Variants in MUC12 observed in about 807,000 individuals in gnomAD.
MUC12 encodes the protein mucin 12, cell surface associated.
MUC12 carries 172 observed loss-of-function variants against 230.8 expected under a neutral mutation model. The ratio of observed to expected loss-of-function variants is 0.75; its 90% CI spans 0.66 to 0.85. The LOEUF is 0.85. MUC12 is among the 40% of genes least tolerant of loss of function. MUC12 has a pLI of 0.00. For missense variants in MUC12, 3,506 were observed against 5,920.6 expected, an observed-to-expected ratio of 0.59 and a Z score of 13.38; for synonymous variants, 1,259 against 2,401.9, an observed-to-expected ratio of 0.52 and a Z score of 13.91.
intron 10 of MUC12, 168 bp from the exon 11 acceptor site, chr7:101,017,407 G>A: frequency 1.7e-6 from 1 of 590,808 alleles, no homozygotes; most frequent in Non-Finnish European, 3.0e-6. Flanking sequence ...GGCAGGCTCT[G>A]CACTTACCCG....
chr7:101,012,780 TG>T, intron 6 of MUC12, 38 bp from the exon 7 acceptor site: 1 of 1,524,828 alleles, frequency 6.6e-7, no homozygotes, highest in Non-Finnish European at 8.8e-7. Context: ...CAGAGGGAAG[TG>T]TTTCTATTCC....
rs1411971723 is a variant in MUC12 at position 100,993,328 on chromosome 7, C to G, written c.2765C>G (p.Ser922Cys). The change falls in exon 2 of 12, where the codon TCC (serine) becomes TGC (cysteine). Residue 922 changes from serine (S) to cysteine (C), a missense_variant. By Grantham distance (112) the Ser-to-Cys change is moderately radical. Coordinates refer to ENST00000536621, the MANE Select transcript of MUC12 (RefSeq NM_001164462.2). ...TCAGGTTCAACTGACACAGCACTGT[C>G]CCCTGGCAGTACCACAGCCTTATCC... ...SSSGSTDTALSPGSTTALSFG... is the reference protein window; with the variant it reads ...SSSGSTDTALCPGSTTALSFG... 9.2e-7 allele frequency: 1 copy of G among 1,090,090 alleles called. No homozygotes were observed. The highest frequency in any genetic ancestry group is 2.4e-5 in the African/African-American group (1 of 42,228). The allele number at this position is 1,090,090 out of a possible 1,614,324, so 67.5% of individuals were successfully genotyped here.
In MUC12 at chr7:101,018,815, G is replaced by A; in HGVS notation, c.*179G>A. On this transcript the variant is annotated 3_prime_UTR_variant, in exon 12 of 12. Transcript: ENST00000536621. ...CTGTGCTCCTGCTGGGGAAGGCTGG[G>A]GGCTGTAAGCCTCTCCATCCGGGAG... 1 of 589,912 alleles carries A rather than the reference G, an allele frequency of 1.7e-6. No homozygotes were observed. The highest frequency in any genetic ancestry group is 1.9e-5 in the African/African-American group (1 of 51,456). 36.5% of individuals were successfully genotyped at this position (589,912 alleles called of 1,614,324 possible). A position where few individuals can be genotyped will look rare whatever the true frequency, so the allele number is the denominator to read the frequency against.
Position 100,995,726 on chromosome 7 carries a change from C to A in MUC12, c.5163C>A (p.Ser1721Arg). The change falls in exon 2 of 12, where the codon AGC (serine) becomes AGA (arginine). Residue 1721 changes from serine to arginine, a missense_variant. Physicochemically the swap from Ser to Arg is moderately radical, Grantham distance 110. Coordinates refer to ENST00000536621, the MANE Select transcript of MUC12 (RefSeq NM_001164462.2). ...CTACAACCTCCCACGGCAGCCCGAG[C>A]TCAACTCCAACAACCCACTTTTCTG... ...ELSTTSHGSP[S>R]STPTTHFSAS... 1 of 1,535,876 alleles carries A rather than the reference C, an allele frequency of 6.5e-7. No homozygotes were observed. The highest frequency in any genetic ancestry group is 8.7e-7 in the Non-Finnish European group (1 of 1,146,494).
rs979425598 is a variant in MUC12 at position 101,005,571 on chromosome 7, A to G, written c.14956+52A>G. The G allele has an allele frequency of 1.8e-5, 26 of 1,482,684 alleles. No homozygotes were observed. In the African/African-American group the frequency reaches 2.7e-4, roughly 15 times the overall value. 91.8% of individuals were successfully genotyped at this position (1,482,684 alleles called of 1,614,324 possible). A position where few individuals can be genotyped will look rare whatever the true frequency, so the allele number is the denominator to read the frequency against. On this transcript the variant is annotated intron_variant, in intron 2 of 11. Transcript: ENST00000536621. ...TTTAGCTTCTTCTCCAGGCCTGTCCATGAGTCTTCTTCATCCATTACAACC... is the reference window on the plus strand; with the variant it reads ...TTTAGCTTCTTCTCCAGGCCTGTCCGTGAGTCTTCTTCATCCATTACAACC...
intron 1 of MUC12, among the ~76,000 whole-genome samples, chr7:100,977,286 G>A (rs377647339): frequency 6.6e-6 from 1 of 151,734 alleles, no homozygotes; most frequent in East Asian, 1.9e-4. Context: ...AGTTGTGGAC[G>A]CCAGAAGCTT....
In MUC12 at chr7:100,991,381, G is replaced by A. The variant is rs1793295729; in HGVS notation, c.818G>A (p.Gly273Glu). The change falls in exon 2 of 12, where the codon GGA becomes GAA. Residue 273 changes from glycine to glutamate, a missense_variant. Gly to Glu is a moderately conservative substitution (Grantham distance 98). Transcript: ENST00000536621. The stretch of plus-strand genomic sequence containing the variant: ...CCTTCCAGCTCTACAACCCATGAGG[G>A]AGAACCTACCACCTTCCAGAGCTGG... ...LSPSSSTTHE[G>E]EPTTFQSWPS... 1 of 1,537,730 alleles carries A rather than the reference G, an allele frequency of 6.5e-7. No homozygotes were observed. The highest frequency in any genetic ancestry group is 8.7e-7 in the Non-Finnish European group (1 of 1,147,032).
chr7:100,988,353 T>C (rs1793227551), intron 1 of MUC12, among the ~76,000 whole-genome samples: 1 of 148,994 alleles, frequency 6.7e-6, no homozygotes, highest in Admixed American at 6.7e-5. Flanking sequence ...CCTCTTTGCC[T>C]CTCTTGCTCC....
At position 100,991,814 on chromosome 7, in the gene MUC12, C is replaced by A. The variant is rs768489893; in HGVS notation, c.1251C>A (p.Gly417=). ...LAHTSYHSSL[G]STETTHFRDS... The stretch of plus-strand genomic sequence containing the variant: ...ATACAAGCTACCACAGCAGCCTGGG[C>A]TCAACTGAAACAACACACTTCCGTG... Residue 417 remains glycine (G), a synonymous_variant, in exon 2 of 12, where the codon GGC becomes GGA. Coordinates refer to ENST00000536621, the MANE Select transcript of MUC12 (RefSeq NM_001164462.2). 4 of 1,537,866 alleles carry A rather than the reference C, an allele frequency of 2.6e-6. No individual in the cohort carries two copies. The highest frequency in any genetic ancestry group is 1.4e-5 in the African/African-American group (1 of 73,060).
Position 100,969,610 on chromosome 7 carries a change from C to CA in MUC12, c.-13_-12insA. 1.3e-6 allele frequency: 2 copies of CA among 1,537,438 alleles called. No homozygotes were observed. Among genetic ancestry groups the CA allele is most frequent in the Non-Finnish European group, 1.7e-6 (2 of 1,146,950 alleles). On this transcript the variant is annotated 5_prime_UTR_variant, in exon 1 of 12. Transcript: ENST00000536621. Reference sequence around the variant, plus strand: ...GAGAGAAGATGGGCAGCCAGGGGCCCGTTCCCCGGGAGATGCTGGTGATCT... The same window carrying CA: ...GAGAGAAGATGGGCAGCCAGGGGCCCAGTTCCCCGGGAGATGCTGGTGATCT...
rs1793314470 is a variant in MUC12 at position 100,991,746 on chromosome 7, C to A, written c.1183C>A (p.His395Asn). ...ESATFHGSTT[H>N]TKSSTPSTTA... is the part of the protein sequence containing the mutation. ...AGCAACTTTCCACGGCAGCACAACA[C>A]ACACAAAATCTTCAACTCCTAGCAC... The change falls in exon 2 of 12, where the codon CAC becomes AAC. Residue 395 changes from histidine to asparagine, a missense_variant. His to Asn is a moderately conservative substitution (Grantham distance 68). Coordinates refer to ENST00000536621, the MANE Select transcript of MUC12 (RefSeq NM_001164462.2). The A allele has an allele frequency of 6.5e-7, 1 of 1,538,002 alleles. No individual in the cohort carries two copies.
chr7:101,014,100 G>A (rs1234472074), intron 9 of MUC12, 26 bp downstream of exon 9: 1 of 1,509,766 alleles, frequency 6.6e-7, no homozygotes, highest in Non-Finnish European at 8.8e-7. Flanking sequence ...CAGCACCGCA[G>A]GCCCACACAG....
At chr7:100,975,659 G>GCAGCTTAGGGCTGGAGGGGCACAGAGA (rs1793017105) in intron 1 of MUC12, among the ~76,000 whole-genome samples, 1 of 152,310 alleles carries the variant, frequency 6.6e-6, no homozygotes, top group African/African-American at 2.4e-5. Flanking sequence ...GCTACGAGAG[G>GCAGCTTAGGGCTGGAGGGGCACAGAGA]GGGCCTCCGG....
intron 1 of MUC12, among the ~76,000 whole-genome samples, chr7:100,983,904 A>C (rs1222521055): frequency 6.6e-6 from 1 of 152,200 alleles, no homozygotes; most frequent in Non-Finnish European, 1.5e-5. Context: ...AAGAAGAAGG[A>C]AAAAATGACA....
intron 5 of MUC12, among the ~76,000 whole-genome samples, chr7:101,010,735 G>A (rs904134403): frequency 1.1e-4 from 16 of 151,970 alleles, no homozygotes; most frequent in African/African-American, 3.4e-4. Flanking sequence ...GGCTGGTCTC[G>A]AACTCCTGAC....
intron 5 of MUC12, among the ~76,000 whole-genome samples, chr7:101,011,674 G>A (rs976076068): frequency 3.9e-5 from 6 of 152,092 alleles, no homozygotes; most frequent in Non-Finnish European, 7.4e-5. Context: ...CTCCCACCTC[G>A]GCCTCCCAAA....
chr7:101,013,232 A>C (rs1227489984), intron 8 of MUC12, 90 bp downstream of exon 8: 4 of 1,449,566 alleles, frequency 2.8e-6, no homozygotes, highest in Admixed American at 2.0e-5. Context: ...TGGGGGATTG[A>C]GTAGAGCTTG....
chr7:101,018,715 C>T lies in MUC12; in HGVS notation c.*79C>T, dbSNP rs1225007467. ...CAGAGCCCACCACAAGCCTCCGGGGCGGGTCAAGAGGAGACCGAAGTCAGG... is the reference window on the plus strand; with the variant it reads ...CAGAGCCCACCACAAGCCTCCGGGGTGGGTCAAGAGGAGACCGAAGTCAGG... On this transcript the variant is annotated 3_prime_UTR_variant, in exon 12 of 12. Coordinates refer to ENST00000536621, the MANE Select transcript of MUC12 (RefSeq NM_001164462.2). The T allele has an allele frequency of 5.6e-6, 8 of 1,440,652 alleles. No homozygotes were observed. The highest frequency in any genetic ancestry group is 4.2e-5 in the African/African-American group (3 of 70,630). 89.2% of individuals were successfully genotyped at this position (1,440,652 alleles called of 1,614,324 possible). A position where few individuals can be genotyped will look rare whatever the true frequency, so the allele number is the denominator to read the frequency against.
chr7:101,004,681 C>T lies in MUC12; in HGVS notation c.14118C>T (p.Gly4706=), dbSNP rs1005314283. Residue 4706 remains glycine, a synonymous_variant, in exon 2 of 12, where the codon GGC becomes GGT. Transcript: ENST00000536621. ...TACCTGCCCATTTTACTACCTCAGG[C>T]CGCATTGCAGAATCTACCACCTTCT... is the stretch of plus-strand genomic sequence containing the variant. The part of the protein sequence containing the change: ...TPLPAHFTTS[G]RIAESTTFYI... The T allele has an allele frequency of 5.2e-6, 8 of 1,537,730 alleles. No homozygotes were observed. Among genetic ancestry groups the T allele is most frequent in the Middle Eastern group, 1.7e-4 (1 of 6,018 alleles).
Sources: gnomAD v4.1 joint callset for allele counts (sites outside exome capture counted in the v4.1 genomes callset) on GRCh38, gnomAD v4.1.1 for gene constraint, MANE v1.5 for transcripts, NCBI Gene and HGNC (gene_info 2026-07-23, HGNC 2026-07-21) for gene names.